Variants in C8B observed in about 807,000 individuals in gnomAD.
C8B encodes the protein complement C8 beta chain, also known as complement component C8 beta chain.
C8B carries 67 observed loss-of-function variants against 64.6 expected under a neutral mutation model. The observed-to-expected ratio is 1.04, with a 90% CI of 0.85 to 1.27. The LOEUF (loss-of-function observed/expected upper bound fraction) is 1.27, where lower values mean the gene tolerates loss of function less well. Ranked by LOEUF, C8B falls within the 50% of genes most tolerant of loss-of-function variation. The probability of loss-of-function intolerance (pLI) is 0.00; values close to 1 mark genes in which losing one functional copy is unlikely to be tolerated. For missense variants in C8B, 790 were observed against 725.2 expected (o/e 1.09, Z -1.03); for synonymous variants, 284 against 257.7 (o/e 1.10, Z -0.98).
At chr1:56,934,771 C>T (rs1328727541) in intron 9 of C8B, among the ~76,000 whole-genome samples, 1 of 152,104 alleles carries the variant, frequency 6.6e-6, no homozygotes, top group Non-Finnish European at 1.5e-5. Flanking sequence ...AACCATCCAA[C>T]CTGCTGGCCA....
In C8B at chr1:56,949,729, T is replaced by C; in HGVS notation, c.690A>G (p.Ile230Met). 2 of 1,613,346 alleles carry C rather than the reference T, an allele frequency of 1.2e-6. No individual in the cohort carries two copies. The highest frequency in any genetic ancestry group is 1.7e-6 in the Non-Finnish European group (2 of 1,179,548). ...TPQTQGKYEF[I>M]LKEYESYSDF... ...CTGAGTATGATTCATACTCTTTTAA[T>C]ATGAATTCGTATTTGCCTTGGGTCT... The change falls in exon 6 of 12, where the codon ATA becomes ATG. Residue 230 changes from isoleucine to methionine, a missense_variant. Transcript: ENST00000371237.
At chr1:56,950,767 C>G (rs1332479743) in intron 5 of C8B, among the ~76,000 whole-genome samples, 1 of 152,200 alleles carries the variant, frequency 6.6e-6, no homozygotes, top group Non-Finnish European at 1.5e-5. Context: ...TGGTCCCTTT[C>G]ATCAGGCTTG....
At chr1:56,942,697 C>G (rs1411141119) in intron 8 of C8B, among the ~76,000 whole-genome samples, 2 of 151,734 alleles carry the variant, frequency 1.3e-5, no homozygotes, top group Non-Finnish European at 2.9e-5. Flanking sequence ...GAGTGAGACT[C>G]CATCTCAAAA....
At chr1:56,939,976 A>T (rs950087361) in intron 9 of C8B, among the ~76,000 whole-genome samples, 1 of 151,782 alleles carries the variant, frequency 6.6e-6, no homozygotes, top group African/African-American at 2.4e-5. Context: ...TGCTCAAGAC[A>T]TGTTAGTTGT....
At chr1:56,930,756 T>C (rs1423470797) in intron 11 of C8B, among the ~76,000 whole-genome samples, 2 of 152,098 alleles carry the variant, frequency 1.3e-5, no homozygotes, top group South Asian at 2.1e-4. Context: ...CTTCATGGGG[T>C]TGTTGTGAGG....
intron 1 of C8B, among the ~76,000 whole-genome samples, chr1:56,962,017 G>A (rs1345391170): frequency 6.6e-6 from 1 of 152,164 alleles, no homozygotes. Flanking sequence ...TGACAGCTCT[G>A]CAGGGTACCC....
intron 3 of C8B, 63 bp downstream of exon 3, chr1:56,956,706 T>G: frequency 6.3e-7 from 1 of 1,582,290 alleles, no homozygotes; most frequent in South Asian, 1.1e-5. Flanking sequence ...GCCTGTCCCT[T>G]GGTCATCAAG....
At chr1:56,949,074 G>A (rs529976394) in intron 6 of C8B, among the ~76,000 whole-genome samples, 3 of 151,994 alleles carry the variant, frequency 2.0e-5, no homozygotes, top group East Asian at 1.9e-4. Flanking sequence ...TAGTTGTAAC[G>A]TGGAATATAG....
intron 9 of C8B, among the ~76,000 whole-genome samples, chr1:56,934,805 T>A (rs1244201832): frequency 6.6e-6 from 1 of 152,012 alleles, no homozygotes; most frequent in African/African-American, 2.4e-5. Flanking sequence ...GGTGGGAGTT[T>A]GGAGAGAGAA....
At chr1:56,951,685 G>A (rs74867817) in intron 5 of C8B, among the ~76,000 whole-genome samples, 4,422 of 152,120 alleles carry the variant, frequency 0.029, 199 homozygotes, top group African/African-American at 0.1. Flanking sequence ...TGCAGGGTAG[G>A]ACCTCTATAA....
chr1:56,956,694 T>C (rs1188036374), intron 3 of C8B, 75 bp downstream of exon 3: 1 of 1,535,716 alleles, frequency 6.5e-7, no homozygotes, highest in East Asian at 2.2e-5. Flanking sequence ...GCACTGGACA[T>C]GGCCTGTCCC....
intron 1 of C8B, among the ~76,000 whole-genome samples, chr1:56,960,550 T>C (rs1313977180): frequency 6.6e-6 from 1 of 152,186 alleles, no homozygotes; most frequent in South Asian, 2.1e-4. Context: ...GCAGGCCCCA[T>C]GGCTGGAGCT....
At chr1:56,946,170 T>C (rs1408477679) in intron 6 of C8B, 109 bp from the exon 7 acceptor site, 1 of 1,263,732 alleles carries the variant, frequency 7.9e-7, no homozygotes, top group Non-Finnish European at 1.1e-6. Flanking sequence ...GGGTCATCAC[T>C]CTTATGATTC....
intron 9 of C8B, among the ~76,000 whole-genome samples, chr1:56,938,694 A>G (rs1211107581): frequency 6.6e-6 from 1 of 152,160 alleles, no homozygotes; most frequent in African/African-American, 2.4e-5. Flanking sequence ...TTCTATAGAA[A>G]TCATGTTTTA....
chr1:56,945,557 G>T (rs1229468511), intron 7 of C8B, among the ~76,000 whole-genome samples: 2 of 151,700 alleles, frequency 1.3e-5, no homozygotes, highest in Non-Finnish European at 2.9e-5. Flanking sequence ...GATCCAGGAA[G>T]AGATCCAGGA....
chr1:56,937,556 C>G (rs1427089338), intron 9 of C8B, among the ~76,000 whole-genome samples: 2 of 152,182 alleles, frequency 1.3e-5, no homozygotes, highest in Non-Finnish European at 2.9e-5. Flanking sequence ...ACCCAGCCAA[C>G]AACCTAGCTA....
chr1:56,929,800 C>A (rs1644672273), intron 11 of C8B, among the ~76,000 whole-genome samples: 1 of 152,174 alleles, frequency 6.6e-6, no homozygotes, highest in Admixed American at 6.5e-5. Flanking sequence ...ATCCAATTCA[C>A]CCCTCGGATC....
chr1:56,931,749 G>T (rs1644704160), intron 11 of C8B, 61 bp downstream of exon 11: 2 of 1,155,250 alleles, frequency 1.7e-6, no homozygotes, highest in Non-Finnish European at 2.6e-6. Flanking sequence ...CCAGCTCCTT[G>T]CTCTTCTTCT....
chr1:56,955,223 G>A (rs1645085062), intron 3 of C8B, among the ~76,000 whole-genome samples: 1 of 152,164 alleles, frequency 6.6e-6, no homozygotes, highest in African/African-American at 2.4e-5. Flanking sequence ...GTTGTTCGAA[G>A]TTTAAATGAA....
Sources: gnomAD v4.1 joint callset for allele counts (sites outside exome capture counted in the v4.1 genomes callset) on GRCh38, gnomAD v4.1.1 for gene constraint, MANE v1.5 for transcripts, NCBI Gene and HGNC (gene_info 2026-07-23, HGNC 2026-07-21) for gene names.